Variants in GRHPR observed in about 807,000 individuals in gnomAD.
GRHPR encodes glyoxylate reductase/hydroxypyruvate reductase.
In GRHPR, 35 loss-of-function variants were observed where a neutral mutation model predicts 36.8. The observed-to-expected ratio is 0.95, with a 90% CI of 0.73 to 1.26. The LOEUF is 1.26. GRHPR is among the 50% of genes most tolerant of loss of function. GRHPR has a pLI of 0.00. For missense variants in GRHPR, 380 were observed against 435.0 expected, an observed-to-expected ratio of 0.87 and a Z score of 1.12; for synonymous variants, 179 against 181.0, an observed-to-expected ratio of 0.99 and a Z score of 0.09.
chr9:37,438,945 G>C (rs1308389001), downstream of GRHPR: 2 of 152,166 alleles, frequency 1.3e-5, no homozygotes, highest in Non-Finnish European at 2.9e-5. Flanking sequence ...ATGTGTAACT[G>C]CACACTCTAG....
intron 8 of GRHPR, chr9:37,433,756 A>G (rs1564303457): frequency 3.8e-6 from 1 of 260,804 alleles, no homozygotes; most frequent in East Asian, 6.9e-5. Context: ...ATGCGTAGTT[A>G]ATGATTCTTT....
intron 1 of GRHPR, among the ~76,000 whole-genome samples, chr9:37,424,136 A>T (rs1455334041): frequency 6.6e-6 from 1 of 152,234 alleles, no homozygotes; most frequent in African/African-American, 2.4e-5. Context: ...CCCACTTTGT[A>T]CTGAGCAGGA....
intron 8 of GRHPR, chr9:37,434,240 T>C (rs1823523810): frequency 4.9e-6 from 2 of 407,638 alleles, no homozygotes; most frequent in African/African-American, 4.1e-5. Context: ...ACCATGCAGC[T>C]CCAAGCAACA....
At chr9:37,427,306 C>T (rs1823128462) in intron 4 of GRHPR, among the ~76,000 whole-genome samples, 1 of 152,314 alleles carries the variant, frequency 6.6e-6, no homozygotes, top group East Asian at 1.9e-4. Context: ...AAAGCTCGGA[C>T]AGCTGAAAGT....
chr9:37,435,997 G>A (rs1330457955), intron 8 of GRHPR, among the ~76,000 whole-genome samples: 1 of 152,138 alleles, frequency 6.6e-6, no homozygotes, highest in Non-Finnish European at 1.5e-5. Context: ...AGATAACTGT[G>A]CTGTTCAGCA....
chr9:37,428,010 C>T (rs1299703668), intron 4 of GRHPR: 4 of 270,238 alleles, frequency 1.5e-5, no homozygotes, highest in South Asian at 1.2e-4. Context: ...TGCTCACTGT[C>T]CTGTCTGGGG....
intron 7 of GRHPR, 118 bp downstream of exon 7, chr9:37,430,764 C>T (rs1441439128): frequency 1.1e-6 from 1 of 943,104 alleles, no homozygotes. Context: ...TTGCTGGTTT[C>T]CATAAACCAA....
chr9:37,431,886 C>A, intron 7 of GRHPR, 122 bp from the exon 8 acceptor site: 1 of 1,006,428 alleles, frequency 9.9e-7, no homozygotes, highest in Non-Finnish European at 1.6e-6. Flanking sequence ...ATACCTAAGA[C>A]TTACTGCTTT....
At chr9:37,433,497 G>A (rs1300109003) in intron 8 of GRHPR, among the ~76,000 whole-genome samples, 1 of 152,116 alleles carries the variant, frequency 6.6e-6, no homozygotes, top group Non-Finnish European at 1.5e-5. Context: ...GCCTCCCAAA[G>A]TGCTGGGATT....
chr9:37,435,068 A>C (rs992275849), intron 8 of GRHPR, among the ~76,000 whole-genome samples: 1 of 152,236 alleles, frequency 6.6e-6, no homozygotes, highest in Non-Finnish European at 1.5e-5. Flanking sequence ...CCTGGGCAAC[A>C]TAGTGAAACC....
chr9:37,428,393 C>A, intron 4 of GRHPR, 91 bp from the exon 5 acceptor site: 17 of 671,918 alleles, frequency 2.5e-5, no homozygotes, highest in Non-Finnish European at 3.9e-5. Context: ...TGGGTTTATA[C>A]CTTGGACCAC....
chr9:37,431,526 G>T (rs2118888330), intron 7 of GRHPR: 1 of 242,780 alleles, frequency 4.1e-6, no homozygotes, highest in East Asian at 1.0e-4. Flanking sequence ...GATGGCTGTG[G>T]TTAGGGGTGT....
intron 6 of GRHPR, chr9:37,430,084 C>T: frequency 1.7e-6 from 1 of 572,042 alleles, no homozygotes; most frequent in Non-Finnish European, 3.1e-6. Flanking sequence ...CCTTTGTTAC[C>T]ATTCCCCATT....
chr9:37,434,298 T>A (rs1823527839), intron 8 of GRHPR: 1 of 462,854 alleles, frequency 2.2e-6, no homozygotes, highest in African/African-American at 2.0e-5. Flanking sequence ...GGATTGAGGC[T>A]GCCAAATGGA....
In GRHPR at chr9:37,431,458, A is replaced by G. The variant is rs1187091048; in HGVS notation, c.735-550A>G. The G allele has an allele frequency of 2.1e-5, 5 of 243,208 alleles. No individual in the cohort carries two copies. The East Asian group carries it at 5.2e-4, about 25-fold the overall frequency. 15.1% of individuals were successfully genotyped at this position (243,208 alleles called of 1,614,324 possible). On this transcript the variant is annotated intron_variant, in intron 7 of 8. Coordinates refer to ENST00000318158, the MANE Select transcript of GRHPR (RefSeq NM_012203.2). Reference sequence around the variant, plus strand: ...ACTCATTAGTGCACAAGTATTACTTAGTGCACAATATACAGTCTCTAGAAG... The same window carrying G: ...ACTCATTAGTGCACAAGTATTACTTGGTGCACAATATACAGTCTCTAGAAG...
intron 4 of GRHPR, among the ~76,000 whole-genome samples, chr9:37,427,302 C>T (rs995010527): frequency 1.3e-5 from 2 of 152,144 alleles, no homozygotes; most frequent in Admixed American, 1.3e-4. Flanking sequence ...CTAAAAAGCT[C>T]GGACAGCTGA....
chr9:37,431,359 G>A (rs1029497455), intron 7 of GRHPR: 1 of 311,500 alleles, frequency 3.2e-6, no homozygotes, highest in Non-Finnish European at 6.3e-6. Context: ...GGCTCGCACT[G>A]CTGGCTGGCA....
intron 4 of GRHPR, among the ~76,000 whole-genome samples, chr9:37,427,360 C>A (rs1284912691): frequency 6.6e-6 from 1 of 152,208 alleles, no homozygotes; most frequent in Non-Finnish European, 1.5e-5. Context: ...TTATTTCTCC[C>A]ATTTAATGTG....
At chr9:37,437,657 C>A (rs765856108), downstream of GRHPR, among the ~76,000 whole-genome samples, 1 of 149,334 alleles carries the variant, frequency 6.7e-6, no homozygotes, top group Non-Finnish European at 1.5e-5. Flanking sequence ...CCCATTCTGT[C>A]CCCCCAGCCC....
Sources: gnomAD v4.1 joint callset for allele counts (sites outside exome capture counted in the v4.1 genomes callset) on GRCh38, gnomAD v4.1.1 for gene constraint, MANE v1.5 for transcripts, NCBI Gene and HGNC (gene_info 2026-07-23, HGNC 2026-07-21) for gene names.